The following DIS3L2 variants were observed in gnomAD, a reference collection of about 807,000 sequenced individuals.
DIS3L2 encodes the protein DIS3-like exonuclease 2.
Under a neutral mutation model 97.5 loss-of-function variants are expected in DIS3L2, and 34 were observed. The observed-to-expected ratio is 0.35, with a 90% confidence interval of 0.27 to 0.46. DIS3L2 has a LOEUF of 0.46. Among genes scored for constraint, DIS3L2 ranks in the 20% least tolerant of loss-of-function variants. DIS3L2 has a pLI of 1.00. For missense variants in DIS3L2, 1,038 were observed against 1,146.0 expected (o/e 0.91, Z 1.36); for synonymous variants, 435 against 445.2 (o/e 0.98, Z 0.29).
intron 6 of DIS3L2, among the ~76,000 whole-genome samples, chr2:232,104,549 G>A (rs1046420949): frequency 2.6e-5 from 4 of 152,056 alleles, no homozygotes. Flanking sequence ...CCAAACAGAA[G>A]CTCTGTAACC....
chr2:232,077,965 CTT>C (rs753127628), intron 5 of DIS3L2, among the ~76,000 whole-genome samples: 2 of 102,482 alleles, frequency 2.0e-5, no homozygotes, highest in South Asian at 3.2e-4. Flanking sequence ...CTCTTTCTTT[CTT>C]TCTTTCTTTC....
chr2:231,975,082 G>A (rs796725989), intron 1 of DIS3L2, among the ~76,000 whole-genome samples: 37 of 152,156 alleles, frequency 2.4e-4, no homozygotes, highest in African/African-American at 7.9e-4. Flanking sequence ...ACTTTTGAAC[G>A]GCATTCAATT....
chr2:232,062,259 G>A (rs1002055183), intron 5 of DIS3L2, among the ~76,000 whole-genome samples: 4 of 152,106 alleles, frequency 2.6e-5, no homozygotes, highest in South Asian at 4.1e-4. Context: ...CATTCATGTT[G>A]TCATGATCCA....
chr2:232,204,752 C>G (rs1182313898), intron 9 of DIS3L2, among the ~76,000 whole-genome samples: 1 of 152,186 alleles, frequency 6.6e-6, no homozygotes, highest in Admixed American at 6.5e-5. Flanking sequence ...AGTGTAACAG[C>G]TGCACAGTGC....
chr2:232,171,289 A>G (rs1468752187), intron 9 of DIS3L2, among the ~76,000 whole-genome samples: 2 of 152,196 alleles, frequency 1.3e-5, no homozygotes, highest in African/African-American at 2.4e-5. Flanking sequence ...GATTTCTTAG[A>G]GTTTCTTCTC....
rs1559216858 is a variant in DIS3L2, at chr2:232,330,786, G to GCCCAGCCCCGGCCTCCCCTGCT, written c.2010+16_2010+37dup. The GCCCAGCCCCGGCCTCCCCTGCT allele has an allele frequency of 6.2e-7, 1 of 1,607,714 alleles. No individual in the cohort carries two copies. The highest frequency in any genetic ancestry group is 2.2e-5 in the East Asian group (1 of 44,882). ...CTCCCGGCCCATGCAGGTAAGGAGG[G>GCCCAGCCCCGGCCTCCCCTGCT]CCCAGCCCCGGCCTCCCCTGCTCCC... On this transcript the variant is annotated intron_variant, in intron 16 of 20. Transcript: ENST00000325385.
At chr2:231,964,407 T>G (rs1692653418) in intron 1 of DIS3L2, among the ~76,000 whole-genome samples, 1 of 152,200 alleles carries the variant, frequency 6.6e-6, no homozygotes, top group Non-Finnish European at 1.5e-5. Flanking sequence ...GAGAAATATT[T>G]CAAGTGAAAT....
chr2:232,135,337 G>C (rs1426584050), intron 7 of DIS3L2, among the ~76,000 whole-genome samples: 1 of 152,082 alleles, frequency 6.6e-6, no homozygotes, highest in South Asian at 2.1e-4. Flanking sequence ...TAAAGGTCTG[G>C]GTGTGGCAGT....
At position 232,292,286 on chromosome 2, in the gene DIS3L2, A is replaced by G. The variant is rs1157365277; in HGVS notation, c.1660-7754A>G. On this transcript the variant is annotated intron_variant, in intron 13 of 20. Transcript: ENST00000325385. This position sits in a 1 kb window ranked among gnomAD's most constrained non-coding sequence, Gnocchi z 4.4. Reference sequence around the variant, plus strand: ...GTTTCTGCCCCTAAGTTCTCCCTAAAGTGCCATCCCCAAGCAGCAATAATC... The same window carrying G: ...GTTTCTGCCCCTAAGTTCTCCCTAAGGTGCCATCCCCAAGCAGCAATAATC... Among the ~76,000 whole-genome samples the G allele has an allele frequency of 6.6e-6, 1 of 152,102 alleles. No homozygotes were observed. The highest frequency in any genetic ancestry group is 1.5e-5 in the Non-Finnish European group (1 of 68,018).
At chr2:232,333,761 G>T in intron 16 of DIS3L2, 79 bp from the exon 17 acceptor site, 135 of 1,443,448 alleles carry the variant, frequency 9.4e-5, no homozygotes, top group Admixed American at 5.5e-4. Context: ...CCGACGGTGA[G>T]GCTGTGGGTG....
intron 6 of DIS3L2, among the ~76,000 whole-genome samples, chr2:232,101,816 A>G (rs1189271647): frequency 6.6e-6 from 1 of 152,244 alleles, no homozygotes; most frequent in African/African-American, 2.4e-5. Flanking sequence ...ATAAATAGCA[A>G]TATATACAAT....
At chr2:232,329,786 C>CCCGGGGCG in intron 14 of DIS3L2, 27 bp from the exon 15 acceptor site, 5 of 430,238 alleles carry the variant, frequency 1.2e-5, no homozygotes, top group Non-Finnish European at 2.1e-5. Flanking sequence ...CCCCAGCGGT[C>CCCGGGGCG]CCTCCCATCC....
chr2:232,176,089 C>G (rs1258784826), intron 9 of DIS3L2, among the ~76,000 whole-genome samples: 1 of 152,144 alleles, frequency 6.6e-6, no homozygotes, highest in Non-Finnish European at 1.5e-5. Context: ...CAGGGTTTCA[C>G]CATGTTGGCC....
At chr2:232,287,379 TCCCCCCGCGCCCCCCCCC>T (rs1694464609) in intron 13 of DIS3L2, among the ~76,000 whole-genome samples, 1 of 19,278 alleles carries the variant, frequency 5.2e-5, no homozygotes, top group Non-Finnish European at 7.7e-5. Context: ...ATCCTTTCCT[TCCCCCCGCGCCCCCCCCC>T]CCCCCCGCTT....
chr2:232,155,938 TGA>T (rs1476396483), intron 8 of DIS3L2, among the ~76,000 whole-genome samples: 2 of 151,220 alleles, frequency 1.3e-5, no homozygotes, highest in African/African-American at 2.4e-5. Flanking sequence ...TGCAGTGAGC[TGA>T]GATCGCGCCC....
chr2:231,985,985 G>A (rs1693401610), intron 1 of DIS3L2, among the ~76,000 whole-genome samples: 2 of 152,220 alleles, frequency 1.3e-5, no homozygotes, highest in Non-Finnish European at 2.9e-5. Context: ...AGTCGGGTAA[G>A]CTGGCTTGCT....
intron 9 of DIS3L2, among the ~76,000 whole-genome samples, chr2:232,182,072 A>G (rs768603891): frequency 2.0e-5 from 3 of 151,726 alleles, no homozygotes; most frequent in Non-Finnish European, 4.4e-5. Flanking sequence ...ATTTACAGCT[A>G]CTCCCTCCCT....
Position 232,140,334 on chromosome 2 carries a change from G to A in DIS3L2, c.950+3615G>A, listed in dbSNP as rs755758450. Reference sequence around the variant, plus strand: ...TGCAATTGCTTGTTTGTTTTACTTGGCCATGAACTCCTTTAGGACAAGGAC... The same window carrying A: ...TGCAATTGCTTGTTTGTTTTACTTGACCATGAACTCCTTTAGGACAAGGAC... On this transcript the variant is annotated intron_variant, in intron 8 of 20. Transcript: ENST00000325385. 2.5e-4 allele frequency among the ~76,000 whole-genome samples: 38 copies of A among 152,112 alleles called. 1 individual carries two copies. Among genetic ancestry groups the A allele is most frequent in the Non-Finnish European group, 5.0e-4 (34 of 67,990 alleles).
At chr2:231,962,789 AGT>A (rs1322055840) in intron 1 of DIS3L2, among the ~76,000 whole-genome samples, 1 of 152,088 alleles carries the variant, frequency 6.6e-6, no homozygotes, top group Non-Finnish European at 1.5e-5. Context: ...CCCACTTGTA[AGT>A]GTGCTCAATG....
Sources: gnomAD v4.1 joint callset for allele counts (sites outside exome capture counted in the v4.1 genomes callset) on GRCh38, gnomAD v4.1.1 for gene constraint, Gnocchi (gnomAD v3.1) non-coding constraint, MANE v1.5 for transcripts, NCBI Gene and HGNC (gene_info 2026-07-23, HGNC 2026-07-21) for gene names.